ZPBP: variants seen among roughly 807,000 people sequenced by gnomAD.
The protein encoded by ZPBP is zona pellucida-binding protein 1.
Under a neutral mutation model 44.8 loss-of-function variants are expected in ZPBP, and 26 were observed. The observed-to-expected ratio is 0.58, with a 90% confidence interval of 0.43 to 0.81. The LOEUF is 0.81. Ranked by LOEUF, ZPBP falls within the 30% of genes least tolerant of loss-of-function variation. The pLI, the probability that ZPBP is intolerant of heterozygous loss-of-function variation, is 0.00. For synonymous variants in ZPBP, 174 were observed against 153.2 expected, an observed-to-expected ratio of 1.14 and a Z score of -1.00; for missense variants, 409 against 434.0, an observed-to-expected ratio of 0.94 and a Z score of 0.51.
chr7:50,085,930 G>A (rs1802615394), intron 2 of ZPBP, among the ~76,000 whole-genome samples: 1 of 152,110 alleles, frequency 6.6e-6, no homozygotes, highest in Non-Finnish European at 1.5e-5. Context: ...GAGGCCTTAA[G>A]TTCTCTCTTT....
At position 50,089,747 on chromosome 7, in the gene ZPBP, T is replaced by C. The variant is rs765392415; in HGVS notation, c.128-38A>G. 19 of 1,455,004 alleles carry C rather than the reference T, an allele frequency of 1.3e-5. No individual in the cohort carries two copies. The East Asian group carries it at 4.0e-4, about 30-fold the overall frequency. The allele number at this position is 1,455,004 out of a possible 1,614,324, so 90.1% of individuals were successfully genotyped here. ...AAGATCAACAATTTGTCTCATTAGA[T>C]ATTCTAAAATATTCAAATATACTAT... On this transcript the variant is annotated intron_variant, in intron 1 of 7. Transcript: ENST00000046087.
At chr7:50,005,317 T>C (rs759262793) in intron 6 of ZPBP, among the ~76,000 whole-genome samples, 8 of 152,022 alleles carry the variant, frequency 5.3e-5, no homozygotes, top group Non-Finnish European at 1.2e-4. Context: ...CTTATAAAAA[T>C]ATAAAGTAAT....
At chr7:49,936,864 CT>C (rs1217499055), downstream of ZPBP, among the ~76,000 whole-genome samples, 1 of 152,064 alleles carries the variant, frequency 6.6e-6, no homozygotes, top group Admixed American at 6.6e-5. Flanking sequence ...AAAGAAATTG[CT>C]TTTTTTCATT....
At chr7:49,993,556 G>C (rs1269000924) in intron 6 of ZPBP, among the ~76,000 whole-genome samples, 1 of 152,094 alleles carries the variant, frequency 6.6e-6, no homozygotes, top group African/African-American at 2.4e-5. Flanking sequence ...ACAATAAATT[G>C]TAAAATAAAA....
Position 50,092,961 on chromosome 7 carries a change from G to GTCT in ZPBP, c.127+106_127+107insAGA, listed in dbSNP as rs1254233362. On this transcript the variant is annotated intron_variant, in intron 1 of 7. Coordinates refer to ENST00000046087, the MANE Select transcript of ZPBP (RefSeq NM_007009.3). ...TTCTTGTCACGTATTAGTGAGCAAG[G>GTCT]TGTCTCTATATAAAACGGATGCACG... The GTCT allele has an allele frequency of 2.1e-6, 3 of 1,437,952 alleles. No homozygotes were observed. In the African/African-American group the frequency reaches 4.5e-5, roughly 21 times the overall value. The allele number at this position is 1,437,952 out of a possible 1,614,324, so 89.1% of individuals were successfully genotyped here. A position where few individuals can be genotyped will look rare whatever the true frequency, so the allele number is the denominator to read the frequency against.
chr7:49,923,299 CAGAGG>C (rs1562778448), intron 1 of ZPBP, among the ~76,000 whole-genome samples: 1 of 152,090 alleles, frequency 6.6e-6, no homozygotes, highest in African/African-American at 2.4e-5. Flanking sequence ...TAAAGGCAGC[CAGAGG>C]AAACAGATTC....
chr7:49,943,792 AATCT>A (rs1388859760), intron 7 of ZPBP: 1 of 239,420 alleles, frequency 4.2e-6, no homozygotes, highest in Non-Finnish European at 8.2e-6. Context: ...ACATCTGGTG[AATCT>A]ATAACCCTGG....
chr7:50,083,055 C>A (rs528991049), intron 2 of ZPBP, among the ~76,000 whole-genome samples: 1 of 151,830 alleles, frequency 6.6e-6, no homozygotes, highest in East Asian at 1.9e-4. Flanking sequence ...ATATAAATTC[C>A]TCCTCATCTT....
At chr7:50,008,816 C>G (rs539846691) in intron 6 of ZPBP, among the ~76,000 whole-genome samples, 1 of 152,202 alleles carries the variant, frequency 6.6e-6, no homozygotes, top group East Asian at 1.9e-4. Context: ...GATGTCCACC[C>G]TCACCACTTT....
chr7:49,858,527 G>A (rs1790517030), intron 2 of ZPBP, among the ~76,000 whole-genome samples: 1 of 148,180 alleles, frequency 6.7e-6, no homozygotes, highest in African/African-American at 2.5e-5. Context: ...GACACAGGAA[G>A]GGGAACATCA....
chr7:49,871,725 A>G (rs917923852), intron 2 of ZPBP, among the ~76,000 whole-genome samples: 6 of 152,084 alleles, frequency 3.9e-5, no homozygotes, highest in Non-Finnish European at 7.3e-5. Context: ...TCAGGTAAGG[A>G]AAAAAATCAA....
Position 49,909,230 on chromosome 7 carries a change from T to C in ZPBP, n.412-8015A>G, listed in dbSNP as rs569267535. 6.2e-4 allele frequency among the ~76,000 whole-genome samples: 95 copies of C among 152,324 alleles called. 2 individuals are homozygous for C. In the South Asian group the frequency reaches 0.018, roughly 29 times the overall value. ...AGGATACAGGTCTTCTGGGCAGTTA[T>C]GGTGTGGCTTCTCTGTGCAAAGCAC... is the stretch of plus-strand genomic sequence containing the variant. On this transcript the variant is annotated intron_variant and non_coding_transcript_variant, in intron 1 of 2. Transcript: ENST00000465922.
intron 4 of ZPBP, among the ~76,000 whole-genome samples, chr7:50,031,944 T>A (rs995126704): frequency 6.6e-6 from 1 of 152,006 alleles, no homozygotes; most frequent in Non-Finnish European, 1.5e-5. Context: ...TCAGAAAAGT[T>A]CATCTTCCAA....
intron 6 of ZPBP, among the ~76,000 whole-genome samples, chr7:50,012,019 A>T (rs1248089888): frequency 1.3e-5 from 2 of 151,398 alleles, no homozygotes; most frequent in Non-Finnish European, 2.9e-5. Context: ...CGACAGAGTG[A>T]GACCCCGTCT....
At chr7:49,884,110 G>C (rs1348649647) in intron 2 of ZPBP, among the ~76,000 whole-genome samples, 3 of 152,216 alleles carry the variant, frequency 2.0e-5, no homozygotes, top group Non-Finnish European at 2.9e-5. Flanking sequence ...TGTCAGGCTG[G>C]TAGAGGAAGG....
intron 6 of ZPBP, among the ~76,000 whole-genome samples, chr7:50,003,489 A>G (rs1798180930): frequency 6.6e-6 from 1 of 152,192 alleles, no homozygotes; most frequent in Non-Finnish European, 1.5e-5. Flanking sequence ...ATTCCTCCCT[A>G]GAGAGAGAAG....
intron 6 of ZPBP, among the ~76,000 whole-genome samples, chr7:50,003,078 A>G (rs1798164325): frequency 6.6e-6 from 1 of 152,214 alleles, no homozygotes; most frequent in Non-Finnish European, 1.5e-5. Flanking sequence ...AAAAACCCTA[A>G]AAGACATACT....
chr7:50,018,460 A>G, intron 5 of ZPBP, 144 bp from the exon 6 acceptor site: 2 of 593,098 alleles, frequency 3.4e-6, no homozygotes, highest in South Asian at 2.7e-5. Flanking sequence ...ATGACTCTTC[A>G]GCAAAAAACC....
intron 6 of ZPBP, among the ~76,000 whole-genome samples, chr7:49,988,684 T>G (rs1381540283): frequency 6.6e-6 from 1 of 152,206 alleles, no homozygotes; most frequent in Non-Finnish European, 1.5e-5. Flanking sequence ...GGATGGTCTA[T>G]AATCAGCCAC....
Sources: allele counts gnomAD v4.1 joint callset (sites outside exome capture counted in the v4.1 genomes callset), GRCh38; gene constraint gnomAD v4.1.1; transcripts MANE v1.5; gene names NCBI Gene and HGNC (gene_info 2026-07-23, HGNC 2026-07-21).